The following TRHDE variants were observed in gnomAD, a reference collection of about 807,000 sequenced individuals.
TRHDE encodes the protein thyrotropin releasing hormone degrading enzyme, also known as thyrotropin-releasing hormone-degrading ectoenzyme.
TRHDE carries 72 observed loss-of-function variants against 125.7 expected under a neutral mutation model. The ratio of observed to expected loss-of-function variants is 0.57; its 90% confidence interval spans 0.47 to 0.70. The LOEUF (loss-of-function observed/expected upper bound fraction) is 0.70. Among genes scored for constraint, TRHDE ranks in the 30% least tolerant of loss-of-function variants. The pLI, the probability that TRHDE is intolerant of heterozygous loss-of-function variation, is 0.00. For missense variants in TRHDE, 1,110 were observed against 1,327.1 expected (o/e 0.84, Z 2.54); for synonymous variants, 509 against 509.1 (o/e 1.00, Z 0.00).
intron 3 of TRHDE, among the ~76,000 whole-genome samples, chr12:72,408,298 G>A (rs1477469183): frequency 2.0e-5 from 3 of 152,158 alleles, no homozygotes; most frequent in Non-Finnish European, 4.4e-5. Context: ...CACAGTCAGA[G>A]CACAGCAGGA....
chr12:72,612,431 C>T (rs1261843566), intron 12 of TRHDE, among the ~76,000 whole-genome samples: 1 of 152,206 alleles, frequency 6.6e-6, no homozygotes, highest in Non-Finnish European at 1.5e-5. Flanking sequence ...GAAGAAAGCA[C>T]TTAACCCTAA....
intron 2 of TRHDE, among the ~76,000 whole-genome samples, chr12:72,128,288 G>A (rs927939010): frequency 2.6e-5 from 4 of 152,134 alleles, no homozygotes; most frequent in African/African-American, 9.7e-5. Flanking sequence ...TAACTTAACT[G>A]ATAAACTGTA....
At chr12:72,394,258 T>G (rs1050739291) in intron 3 of TRHDE, among the ~76,000 whole-genome samples, 1 of 152,128 alleles carries the variant, frequency 6.6e-6, no homozygotes, top group African/African-American at 2.4e-5. Flanking sequence ...TAACAGTAGA[T>G]TCTGGAAATG....
chr12:72,495,060 G>GTTTTTTTTTTTTT (rs751243542), intron 5 of TRHDE, among the ~76,000 whole-genome samples: 2 of 58,392 alleles, frequency 3.4e-5, no homozygotes, highest in African/African-American at 1.5e-4. Flanking sequence ...TTCCTCCCCC[G>GTTTTTTTTTTTTT]TTTTTTTTTT....
At chr12:72,096,971 C>A (rs1212134033) in intron 1 of TRHDE, among the ~76,000 whole-genome samples, 1 of 152,162 alleles carries the variant, frequency 6.6e-6, no homozygotes, top group African/African-American at 2.4e-5. Context: ...AACTCCTGGG[C>A]CTAACCCTTA....
At chr12:72,442,079 G>A (rs748764828) in intron 3 of TRHDE, among the ~76,000 whole-genome samples, 10 of 151,842 alleles carry the variant, frequency 6.6e-5, no homozygotes, top group Non-Finnish European at 1.2e-4. Context: ...AGGATAGTCT[G>A]TAAATGATGC....
chr12:72,210,777 A>G (rs187440148), intron 2 of TRHDE, among the ~76,000 whole-genome samples: 1,680 of 152,322 alleles, frequency 0.011, 21 homozygotes, highest in Non-Finnish European at 0.018. Flanking sequence ...TATAGTCAAA[A>G]CAACCAAAGG....
rs573793750 is a variant in TRHDE, at chr12:72,438,409, T to G, written c.1316-31349T>G. Among the ~76,000 whole-genome samples the G allele has an allele frequency of 6.6e-5, 10 of 151,928 alleles. No individual in the cohort carries two copies. The South Asian group carries it at 2.1e-3, about 32-fold the overall frequency. On this transcript the variant is annotated intron_variant, in intron 3 of 18. Transcript: ENST00000261180. ...ATTCCTATCAATAATGTGCAAGGATTCCCTTTTCTCTACGTGCTCACCAAC... is the reference window on the plus strand; with the variant it reads ...ATTCCTATCAATAATGTGCAAGGATGCCCTTTTCTCTACGTGCTCACCAAC...
intron 2 of TRHDE, among the ~76,000 whole-genome samples, chr12:72,313,199 G>A (rs1000506003): frequency 1.1e-4 from 16 of 151,918 alleles, no homozygotes; most frequent in African/African-American, 2.4e-4. Context: ...TAGTTTCAGC[G>A]TATTGATGGA....
intron 15 of TRHDE, among the ~76,000 whole-genome samples, chr12:72,631,831 C>CA (rs1873508652): frequency 6.6e-6 from 1 of 151,756 alleles, no homozygotes; most frequent in Non-Finnish European, 1.5e-5. Context: ...ATGGTTATGC[C>CA]AAAAAACTCA....
intron 12 of TRHDE, among the ~76,000 whole-genome samples, chr12:72,590,764 C>G (rs10748202): frequency 0.4 from 61,307 of 151,928 alleles, 14,976 homozygotes; most frequent in African/African-American, 0.68. Context: ...TTTTTATTCT[C>G]ACAATCTCTG....
intron 2 of TRHDE, among the ~76,000 whole-genome samples, chr12:72,290,619 G>A (rs1397760052): frequency 2.0e-5 from 3 of 152,200 alleles, no homozygotes; most frequent in Admixed American, 2.0e-4. Flanking sequence ...TTTGGGGTGT[G>A]ACTTAACAGC....
intron 1 of TRHDE, among the ~76,000 whole-genome samples, chr12:72,104,152 G>A (rs1209881712): frequency 6.6e-6 from 1 of 152,134 alleles, no homozygotes; most frequent in Non-Finnish European, 1.5e-5. Context: ...CTTACAATGG[G>A]TGTTCAAGCA....
intron 2 of TRHDE, among the ~76,000 whole-genome samples, chr12:72,172,274 A>G (rs1876890186): frequency 6.6e-6 from 1 of 152,216 alleles, no homozygotes; most frequent in Non-Finnish European, 1.5e-5. Flanking sequence ...AGACATAAAG[A>G]TTGAGAACAC....
chr12:72,452,554 A>T (rs1875631707), intron 3 of TRHDE, among the ~76,000 whole-genome samples: 1 of 152,124 alleles, frequency 6.6e-6, no homozygotes, highest in African/African-American at 2.4e-5. Context: ...ATTGCTGTTG[A>T]GTATAATGTT....
chr12:72,252,371 C>G (rs1878704315), intron 2 of TRHDE, among the ~76,000 whole-genome samples: 1 of 152,110 alleles, frequency 6.6e-6, no homozygotes, highest in African/African-American at 2.4e-5. Flanking sequence ...TTCAGCACAA[C>G]TTGTTGCAAG....
Position 72,283,064 on chromosome 12 carries a change from C to T in TRHDE, c.915-3617C>T, listed in dbSNP as rs7295479. Among the ~76,000 whole-genome samples, 452 of 152,224 alleles carry T rather than the reference C, an allele frequency of 3.0e-3. 2 individuals carry two copies. Among genetic ancestry groups the T allele is most frequent in the African/African-American group, 0.01 (427 of 41,556 alleles). On this transcript the variant is annotated intron_variant, in intron 1 of 18. Coordinates refer to ENST00000261180, the MANE Select transcript of TRHDE (RefSeq NM_013381.3). ...ATGTAATTTCTTCTTACATTTTCCC[C>T]TTTTTGTCATGGCTTTTTGTATAAT...
chr12:72,444,075 A>G (rs1592449315), intron 3 of TRHDE, among the ~76,000 whole-genome samples: 1 of 151,950 alleles, frequency 6.6e-6, no homozygotes, highest in Admixed American at 6.6e-5. Context: ...TTTAAAATAA[A>G]GAAACCAAAA....
intron 2 of TRHDE, among the ~76,000 whole-genome samples, chr12:72,150,110 A>G (rs551910208): frequency 2.6e-5 from 4 of 152,302 alleles, no homozygotes; most frequent in African/African-American, 9.6e-5. Context: ...CTCAGCTTTT[A>G]TGGATCTTAA....
Sources: allele counts gnomAD v4.1 joint callset (sites outside exome capture counted in the v4.1 genomes callset), GRCh38; gene constraint gnomAD v4.1.1; transcripts MANE v1.5; gene names NCBI Gene and HGNC (gene_info 2026-07-23, HGNC 2026-07-21).